Variants in DNASE1L3 observed in about 807,000 individuals in gnomAD.
DNASE1L3 encodes deoxyribonuclease 1L3, also known as deoxyribonuclease gamma.
A neutral mutation model predicts 30.9 loss-of-function variants in DNASE1L3; 27 were observed. That is an observed-to-expected ratio of 0.87 (90% CI 0.64 to 1.20). DNASE1L3 has a LOEUF of 1.20. Ranked by LOEUF, DNASE1L3 falls within the 50% of genes most tolerant of loss-of-function variation. The pLI is 0.00. For missense variants in DNASE1L3, 364 were observed against 378.2 expected (o/e 0.96, Z 0.31); for synonymous variants, 135 against 138.0 (o/e 0.98, Z 0.15).
chr3:58,198,416 G>C (rs753929308), intron 5 of DNASE1L3, among the ~76,000 whole-genome samples: 1 of 152,178 alleles, frequency 6.6e-6, no homozygotes. Flanking sequence ...CCTCCAGAAC[G>C]GTGACGAACT....
chr3:58,198,799 C>T (rs528188468), intron 5 of DNASE1L3, among the ~76,000 whole-genome samples: 2 of 152,036 alleles, frequency 1.3e-5, no homozygotes, highest in East Asian at 1.9e-4. Context: ...GTATTGACAA[C>T]CCTGGCATCA....
At chr3:58,195,806 G>GCA (rs1339915551) in intron 6 of DNASE1L3, among the ~76,000 whole-genome samples, 1 of 151,802 alleles carries the variant, frequency 6.6e-6, no homozygotes, top group Non-Finnish European at 1.5e-5. Context: ...AAAAAAAGAG[G>GCA]CACAAGAGTT....
intron 4 of DNASE1L3, among the ~76,000 whole-genome samples, chr3:58,203,949 C>A (rs1448134033): frequency 6.6e-6 from 1 of 152,118 alleles, no homozygotes; most frequent in East Asian, 1.9e-4. Flanking sequence ...CTACTCCCTA[C>A]CTTGTAGTCA....
At chr3:58,199,337 C>T (rs1483913783) in intron 5 of DNASE1L3, among the ~76,000 whole-genome samples, 2 of 152,194 alleles carry the variant, frequency 1.3e-5, no homozygotes, top group African/African-American at 2.4e-5. Flanking sequence ...GTGACCTGCT[C>T]TAGGCCACAG....
Position 58,200,295 on chromosome 3 carries a change from C to T in DNASE1L3, c.546+702G>A, listed in dbSNP as rs1027749454. On this transcript the variant is annotated intron_variant, in intron 5 of 7. Coordinates refer to ENST00000394549, the MANE Select transcript of DNASE1L3 (RefSeq NM_004944.4). This position sits in a 1 kb window ranked among gnomAD's most constrained non-coding sequence, Gnocchi z 4.2. ...TTGGTTCAGGGATGGACACCTGACC[C>T]AGTCAGAGCCAATGAGACTCAGTCC... is the stretch of plus-strand genomic sequence containing the variant. Among the ~76,000 whole-genome samples the T allele has an allele frequency of 6.6e-6, 1 of 152,178 alleles. No individual in the cohort carries two copies. The highest frequency in any genetic ancestry group is 1.5e-5 in the Non-Finnish European group (1 of 68,032).
chr3:58,201,188 G>C (rs1181291915), intron 4 of DNASE1L3, 79 bp from the exon 5 acceptor site: 1 of 1,070,252 alleles, frequency 9.3e-7, no homozygotes, highest in East Asian at 2.6e-5. Flanking sequence ...GAAACCAGCT[G>C]TCCCCTCCAG....
rs2097398053 is a variant in DNASE1L3 at position 58,197,415 on chromosome 3, G to A, written c.704+406C>T. On this transcript the variant is annotated intron_variant, in intron 6 of 7. Transcript: ENST00000394549. This position sits in a 1 kb window ranked among gnomAD's most constrained non-coding sequence, Gnocchi z 5.3. Reference sequence around the variant, plus strand: ...CAGTAGAGGGGCCTGACATTTAATTGACTCAGCTCTGCAAGCAGTGTGCTT... The same window carrying A: ...CAGTAGAGGGGCCTGACATTTAATTAACTCAGCTCTGCAAGCAGTGTGCTT... Among the ~76,000 whole-genome samples the A allele has an allele frequency of 6.6e-6, 1 of 152,144 alleles. No individual in the cohort carries two copies. The highest frequency in any genetic ancestry group is 6.5e-5 in the Admixed American group (1 of 15,274).
intron 1 of DNASE1L3, 132 bp downstream of exon 1, chr3:58,210,634 G>T (rs1194495691): frequency 2.9e-6 from 4 of 1,375,134 alleles, no homozygotes; most frequent in African/African-American, 2.9e-5. Context: ...AGTTGAAGTG[G>T]TTATTGTTCC....
chr3:58,199,563 G>A lies in DNASE1L3; in HGVS notation c.546+1434C>T, dbSNP rs371642019. On this transcript the variant is annotated intron_variant, in intron 5 of 7. Coordinates refer to ENST00000394549, the MANE Select transcript of DNASE1L3 (RefSeq NM_004944.4). ...CACATGCCTGTAATCCCAGCTACTC[G>A]GGAGGCAGGAGAATCACTTGAACCC... is the stretch of plus-strand genomic sequence containing the variant. Among the ~76,000 whole-genome samples, 29 of 152,154 alleles carry A rather than the reference G, an allele frequency of 1.9e-4. No homozygotes were observed. In the South Asian group the frequency reaches 3.1e-3, roughly 16 times the overall value.
At chr3:58,193,638 G>A (rs555203940) in intron 6 of DNASE1L3, among the ~76,000 whole-genome samples, 199 bp from the exon 7 acceptor site, 80 of 152,342 alleles carry the variant, frequency 5.3e-4, no homozygotes, top group Middle Eastern at 6.8e-3. Flanking sequence ...CCCTGCCATG[G>A]TTCTGTGGAC....
intron 1 of DNASE1L3, among the ~76,000 whole-genome samples, chr3:58,210,244 AAAAGAAAG>A (rs71625612): frequency 2.9e-5 from 3 of 101,902 alleles, no homozygotes; most frequent in South Asian, 4.9e-4. Context: ...GGAAGAAAGA[AAAAGAAAG>A]AAAGAAAGAG....
At position 58,192,653 on chromosome 3, in the gene DNASE1L3, G is replaced by A; in HGVS notation, c.*34C>T. 1 of 1,591,758 alleles carries A rather than the reference G, an allele frequency of 6.3e-7. No homozygotes were observed. The highest frequency in any genetic ancestry group is 1.1e-5 in the South Asian group (1 of 88,670). On this transcript the variant is annotated 3_prime_UTR_variant, in exon 8 of 8. Transcript: ENST00000394549. The surrounding 1 kb of genome is among the most constrained non-coding windows in gnomAD (Gnocchi z 4.8). ...TCTGTTAGAGACATTTTATTTAGAG[G>A]CAAGAAATGGTTAATAAGATGAGAC...
chr3:58,203,847 T>C (rs1575498643), intron 4 of DNASE1L3, among the ~76,000 whole-genome samples: 1 of 152,206 alleles, frequency 6.6e-6, no homozygotes, highest in Admixed American at 6.5e-5. Flanking sequence ...GGTGGTGGCC[T>C]GGGTTACAAC....
intron 4 of DNASE1L3, among the ~76,000 whole-genome samples, chr3:58,202,016 C>A (rs150162013): frequency 2.2e-4 from 34 of 152,170 alleles, no homozygotes; most frequent in African/African-American, 7.2e-4. Flanking sequence ...TTATTTTCCC[C>A]TTTTTGTGTG....
At position 58,197,323 on chromosome 3, in the gene DNASE1L3, T is replaced by C. The variant is rs1211267119; in HGVS notation, c.704+498A>G. On this transcript the variant is annotated intron_variant, in intron 6 of 7. Coordinates refer to ENST00000394549, the MANE Select transcript of DNASE1L3 (RefSeq NM_004944.4). This position sits in a 1 kb window ranked among gnomAD's most constrained non-coding sequence, Gnocchi z 5.3. ...TCTGATAGCGAAGCCAGTGCTTACC[T>C]CTGCTAAGCTACAGTGCCCAGGGCC... Among the ~76,000 whole-genome samples, 1 of 152,210 alleles carries C rather than the reference T, an allele frequency of 6.6e-6. No individual in the cohort carries two copies. Among genetic ancestry groups the C allele is most frequent in the Non-Finnish European group, 1.5e-5 (1 of 68,028 alleles).
In DNASE1L3 at chr3:58,197,083, C is replaced by A. The variant is rs1575496075; in HGVS notation, c.704+738G>T. Among the ~76,000 whole-genome samples, 1 of 152,332 alleles carries A rather than the reference C, an allele frequency of 6.6e-6. No individual in the cohort carries two copies. The highest frequency in any genetic ancestry group is 1.5e-5 in the Non-Finnish European group (1 of 68,034). ...ATTGCGGTAAGTCTTTGTGATGGAACAATGATCAGCCCATGAATGTAATGA... is the reference window on the plus strand; with the variant it reads ...ATTGCGGTAAGTCTTTGTGATGGAAAAATGATCAGCCCATGAATGTAATGA... On this transcript the variant is annotated intron_variant, in intron 6 of 7. Coordinates refer to ENST00000394549, the MANE Select transcript of DNASE1L3 (RefSeq NM_004944.4). The surrounding 1 kb of genome is among the most constrained non-coding windows in gnomAD (Gnocchi z 5.3).
intron 1 of DNASE1L3, among the ~76,000 whole-genome samples, chr3:58,208,952 A>G (rs1193865569): frequency 6.6e-6 from 1 of 152,210 alleles, no homozygotes; most frequent in Non-Finnish European, 1.5e-5. Context: ...GTTAAAATAC[A>G]GTCCCAGCCG....
At chr3:58,199,752 C>T (rs2097399505) in intron 5 of DNASE1L3, among the ~76,000 whole-genome samples, 1 of 151,898 alleles carries the variant, frequency 6.6e-6, no homozygotes, top group Non-Finnish European at 1.5e-5. Flanking sequence ...TGATGCCTCC[C>T]CACAGCCCAA....
Position 58,207,851 on chromosome 3 carries a change from A to G in DNASE1L3, c.230+367T>C, listed in dbSNP as rs1450413391. ...CACCAGCATGACTTTTAACAGCTGC[A>G]TAATATTCCTGTGTGTGAGCATGTT... On this transcript the variant is annotated intron_variant, in intron 2 of 7. Coordinates refer to ENST00000394549, the MANE Select transcript of DNASE1L3 (RefSeq NM_004944.4). The G allele has an allele frequency of 2.7e-5, 5 of 186,478 alleles. No homozygotes were observed. The East Asian group carries it at 6.4e-4, about 24-fold the overall frequency. The allele number at this position is 186,478 out of a possible 1,614,324, so 11.6% of individuals were successfully genotyped here.
Sources: gnomAD v4.1 joint callset for allele counts (sites outside exome capture counted in the v4.1 genomes callset) on GRCh38, gnomAD v4.1.1 for gene constraint, Gnocchi (gnomAD v3.1) non-coding constraint, MANE v1.5 for transcripts, NCBI Gene and HGNC (gene_info 2026-07-23, HGNC 2026-07-21) for gene names.